The following FRMPD4 variants were observed in gnomAD, a reference collection of about 807,000 sequenced individuals.
FRMPD4 encodes FERM and PDZ domain containing 4, also known as FERM and PDZ domain-containing protein 4.
Under a neutral mutation model 94.1 loss-of-function variants are expected in FRMPD4, and 22 were observed. The ratio of observed to expected loss-of-function variants is 0.23; its 90% CI spans 0.17 to 0.33. FRMPD4 has a LOEUF of 0.33. Among genes scored for constraint, FRMPD4 ranks in the 10% least tolerant of loss-of-function variants. FRMPD4 has a pLI of 1.00. For synonymous variants in FRMPD4, 631 were observed against 548.6 expected, an observed-to-expected ratio of 1.15 and a Z score of -2.10; for missense variants, 1,111 against 1,339.9, an observed-to-expected ratio of 0.83 and a Z score of 2.67.
At chrX:12,136,902 C>CACAA (rs2055603468), upstream of FRMPD4, among the ~76,000 whole-genome samples, 1 of 99,535 alleles carries the variant, frequency 1.0e-5, no homozygotes, top group Admixed American at 1.0e-4. Context: ...CACACACACA[C>CACAA]ACACACACAC....
rs12392535 is a variant in FRMPD4 at position 12,301,693 on chromosome X, G to A, written c.41+162681G>A. 5.7e-3 allele frequency among the ~76,000 whole-genome samples: 641 copies of A among 112,283 alleles called. 6 individuals carry two copies. Among genetic ancestry groups the A allele is most frequent in the African/African-American group, 0.02 (614 of 30,919 alleles). ...TACATCCTACTTCTGAAGGACACTTGTACCCCTGGCTAAAAGTGATGACCA... is the reference window on the plus strand; with the variant it reads ...TACATCCTACTTCTGAAGGACACTTATACCCCTGGCTAAAAGTGATGACCA... On this transcript the variant is annotated intron_variant, in intron 1 of 16. Transcript: ENST00000675598.
At chrX:12,023,498 A>G (rs745488295) in intron 3 of FRMPD4, among the ~76,000 whole-genome samples, 85 of 111,685 alleles carry the variant, frequency 7.6e-4, no homozygotes, top group African/African-American at 2.7e-3. Flanking sequence ...TGCTTTTCTA[A>G]GTTACCATTG....
intron 3 of FRMPD4, among the ~76,000 whole-genome samples, chrX:11,967,843 T>C (rs2054319632): frequency 9.3e-6 from 1 of 107,789 alleles, no homozygotes; most frequent in Non-Finnish European, 1.9e-5. Flanking sequence ...GCACTGTCTT[T>C]GTAGTTTTCT....
intron 1 of FRMPD4, among the ~76,000 whole-genome samples, chrX:12,261,370 A>G (rs2054186233): frequency 8.9e-6 from 1 of 112,276 alleles, no homozygotes; most frequent in Non-Finnish European, 1.9e-5. Flanking sequence ...AGAAAAAAAG[A>G]AGCAACAATG....
intron 3 of FRMPD4, among the ~76,000 whole-genome samples, chrX:11,926,258 CAAAAAA>C (rs763084115): frequency 3.3e-5 from 1 of 30,712 alleles, no homozygotes; most frequent in African/African-American, 1.6e-4. Flanking sequence ...GCTTACCAAC[CAAAAAA>C]AAAAAAAAAA....
chrX:12,039,701 G>A (rs924349733), intron 3 of FRMPD4, among the ~76,000 whole-genome samples: 4 of 110,676 alleles, frequency 3.6e-5, no homozygotes, highest in African/African-American at 1.3e-4. Context: ...TGGATACGGT[G>A]GCTCATGCCT....
intron 7 of FRMPD4, among the ~76,000 whole-genome samples, chrX:12,686,835 C>G (rs1424066886): frequency 9.0e-6 from 1 of 111,294 alleles, no homozygotes; most frequent in Non-Finnish European, 1.9e-5. Flanking sequence ...TTTTTTTCCC[C>G]ACATGCTTTC....
intron 4 of FRMPD4, among the ~76,000 whole-genome samples, chrX:12,654,012 T>C (rs140031461): frequency 0.031 from 3,497 of 111,880 alleles, 143 homozygotes; most frequent in African/African-American, 0.11. Context: ...CTCAGGTGAT[T>C]TGCCCACCTC....
chrX:11,915,768 G>A (rs934607787), intron 3 of FRMPD4, among the ~76,000 whole-genome samples: 1 of 112,035 alleles, frequency 8.9e-6, no homozygotes, highest in African/African-American at 3.2e-5. Context: ...GACTGATTGG[G>A]TTTGAAGCTA....
intron 1 of FRMPD4, among the ~76,000 whole-genome samples, chrX:12,398,658 T>C (rs2056573630): frequency 8.9e-6 from 1 of 111,735 alleles, no homozygotes; most frequent in Non-Finnish European, 1.9e-5. Context: ...TTCTCCTTTT[T>C]TGTTACTGTC....
intron 4 of FRMPD4, among the ~76,000 whole-genome samples, chrX:12,650,947 G>A (rs2059590069): frequency 1.8e-5 from 2 of 112,728 alleles, no homozygotes; most frequent in African/African-American, 3.2e-5. Context: ...ACAGTTGCAG[G>A]TACCCGCCTT....
intron 3 of FRMPD4, among the ~76,000 whole-genome samples, chrX:11,985,313 G>A (rs2054422977): frequency 1.8e-5 from 2 of 111,469 alleles, no homozygotes; most frequent in Non-Finnish European, 3.8e-5. Flanking sequence ...AAAGGAACCC[G>A]CTGTCCTGAA....
At chrX:11,960,366 C>T (rs2054278011) in intron 3 of FRMPD4, among the ~76,000 whole-genome samples, 1 of 111,705 alleles carries the variant, frequency 9.0e-6, no homozygotes, top group Admixed American at 9.5e-5. Flanking sequence ...ATCATGTTCG[C>T]TCTGTCATTG....
chrX:11,925,916 A>G (rs750944917), intron 3 of FRMPD4, among the ~76,000 whole-genome samples: 9 of 111,742 alleles, frequency 8.1e-5, no homozygotes, highest in Admixed American at 6.7e-4. Context: ...GGATATTGAG[A>G]CATGAAAAAC....
chrX:11,845,312 C>T (rs2053568029), intron 1 of FRMPD4, among the ~76,000 whole-genome samples: 1 of 111,512 alleles, frequency 9.0e-6, no homozygotes, highest in African/African-American at 3.3e-5. Flanking sequence ...ATCTTGAAAG[C>T]AGCAAAAGAA....
chrX:12,442,619 A>G (rs1322254853), intron 1 of FRMPD4, among the ~76,000 whole-genome samples: 1 of 111,762 alleles, frequency 8.9e-6, no homozygotes, highest in Non-Finnish European at 1.9e-5. Context: ...AACTTCGTAC[A>G]CTTCTGGTGG....
At chrX:12,349,149 T>G (rs1480319782) in intron 1 of FRMPD4, among the ~76,000 whole-genome samples, 1 of 111,330 alleles carries the variant, frequency 9.0e-6, no homozygotes, top group Non-Finnish European at 1.9e-5. Context: ...ACATGCAGTG[T>G]GTGCAGCAGG....
At chrX:12,584,858 CATT>C (rs750018412) in intron 2 of FRMPD4, among the ~76,000 whole-genome samples, 2 of 112,156 alleles carry the variant, frequency 1.8e-5, no homozygotes, top group Non-Finnish European at 3.8e-5. Context: ...TGTATAAGGT[CATT>C]ATTCTCAGGA....
At position 12,574,382 on chromosome X, in the gene FRMPD4, A is replaced by G. The variant is rs373475807; in HGVS notation, c.159-35339A>G. Among the ~76,000 whole-genome samples the G allele has an allele frequency of 2.7e-5, 3 of 112,704 alleles. No individual in the cohort carries two copies. The East Asian group carries it at 8.2e-4, about 31-fold the overall frequency. On this transcript the variant is annotated intron_variant, in intron 2 of 16. Coordinates refer to ENST00000675598, the MANE Select transcript of FRMPD4 (RefSeq NM_001368397.1). Reference sequence around the variant, plus strand: ...CCCAACATGGTAAATATCAATGGATATAACCCATTTATAAGTGCTATGCTA... The same window carrying G: ...CCCAACATGGTAAATATCAATGGATGTAACCCATTTATAAGTGCTATGCTA...
Sources: allele counts gnomAD v4.1 joint callset (sites outside exome capture counted in the v4.1 genomes callset), GRCh38; gene constraint gnomAD v4.1.1; transcripts MANE v1.5; gene names NCBI Gene and HGNC (gene_info 2026-07-23, HGNC 2026-07-21).